Variants in PAPPA observed in about 807,000 individuals in gnomAD.
The protein encoded by PAPPA is pappalysin-1.
In PAPPA, 60 loss-of-function variants were observed where a neutral mutation model predicts 164.0. The observed-to-expected ratio is 0.37, with a 90% CI of 0.30 to 0.45. The LOEUF is 0.45. Among genes scored for constraint, PAPPA ranks in the 20% least tolerant of loss-of-function variants. The pLI, the probability that PAPPA is intolerant of heterozygous loss-of-function variation, is 1.00. For missense variants in PAPPA, 1,782 were observed against 2,087.3 expected (o/e 0.85, Z 2.85); for synonymous variants, 875 against 814.1 (o/e 1.07, Z -1.27).
At chr9:116,155,661 T>C (rs115242437) in intron 1 of PAPPA, among the ~76,000 whole-genome samples, 2,353 of 152,294 alleles carry the variant, frequency 0.015, 70 homozygotes, top group African/African-American at 0.054. Flanking sequence ...CACACTTTCT[T>C]AGAAGGGAAA....
At position 116,187,431 on chromosome 9, in the gene PAPPA, G is replaced by T; in HGVS notation, c.693G>T (p.Leu231=). 6.2e-7 allele frequency: 1 copy of T among 1,614,150 alleles called. No homozygotes were observed. The highest frequency in any genetic ancestry group is 1.1e-5 in the South Asian group (1 of 91,072). The change falls in exon 2 of 22, where the codon CTG becomes CTT. Residue 231 remains leucine (L), a synonymous_variant. Coordinates refer to ENST00000328252, the MANE Select transcript of PAPPA (RefSeq NM_002581.5). This position sits in a 1 kb window ranked among gnomAD's most constrained non-coding sequence, Gnocchi z 4.2. ...GEQVGGIFSP[L]TQKCKVLMLG... is the part of the protein sequence containing the mutation. ...AAGTGGGTGGCATATTCAGCCCACT[G>T]ACCCAGAAGTGCAAAGTGCTCATGT... is the stretch of plus-strand genomic sequence containing the variant.
intron 20 of PAPPA, among the ~76,000 whole-genome samples, chr9:116,378,132 A>C (rs16933470): frequency 0.12 from 18,580 of 152,230 alleles, 1,216 homozygotes; most frequent in African/African-American, 0.17. Context: ...CTCATGCCTC[A>C]ATCCCAGAAG....
At chr9:116,264,752 A>G (rs1049611853) in intron 7 of PAPPA, among the ~76,000 whole-genome samples, 5 of 152,206 alleles carry the variant, frequency 3.3e-5, no homozygotes, top group African/African-American at 1.2e-4. Flanking sequence ...TGTTGTTATT[A>G]AAAAATTATT....
At chr9:116,335,107 A>C (rs369157983) in intron 13 of PAPPA, 33 bp downstream of exon 13, 5 of 1,554,248 alleles carry the variant, frequency 3.2e-6, no homozygotes, top group Non-Finnish European at 3.5e-6. Context: ...GCCCTAGGCC[A>C]CTTGTAGCCG....
intron 4 of PAPPA, among the ~76,000 whole-genome samples, chr9:116,212,191 C>CT (rs1564185841): frequency 6.6e-6 from 1 of 152,110 alleles, no homozygotes; most frequent in Admixed American, 6.6e-5. Flanking sequence ...GTTGTTGAAC[C>CT]TTTTTTATTT....
At position 116,303,087 on chromosome 9, in the gene PAPPA, C is replaced by T. The variant is rs1845600050; in HGVS notation, c.3147+137C>T. Reference sequence around the variant, plus strand: ...ATCTTTATTAAATGTACTGTTAGGGCTTCATGAATACCATTTGTAAAAGAT... The same window carrying T: ...ATCTTTATTAAATGTACTGTTAGGGTTTCATGAATACCATTTGTAAAAGAT... On this transcript the variant is annotated intron_variant, in intron 10 of 21. Transcript: ENST00000328252. 3 of 623,842 alleles carry T rather than the reference C, an allele frequency of 4.8e-6. No homozygotes were observed. The East Asian group carries it at 8.5e-5, about 18-fold the overall frequency. The allele number at this position is 623,842 out of a possible 1,614,324, so 38.6% of individuals were successfully genotyped here.
chr9:116,242,090 A>G (rs1159548775), intron 7 of PAPPA, among the ~76,000 whole-genome samples: 1 of 152,144 alleles, frequency 6.6e-6, no homozygotes, highest in Non-Finnish European at 1.5e-5. Context: ...TACAGACATG[A>G]TCTCTGGCCT....
At chr9:116,319,310 G>A (rs997350094) in intron 10 of PAPPA, among the ~76,000 whole-genome samples, 4 of 152,210 alleles carry the variant, frequency 2.6e-5, no homozygotes, top group Non-Finnish European at 5.9e-5. Flanking sequence ...ACTAGCTGGA[G>A]GAGCTCAAGC....
intron 1 of PAPPA, among the ~76,000 whole-genome samples, chr9:116,180,642 AAT>A (rs1843893580): frequency 6.6e-6 from 1 of 152,110 alleles, no homozygotes; most frequent in Admixed American, 6.5e-5. Context: ...CAATAATACG[AAT>A]TGCATATAAA....
chr9:116,268,029 C>T (rs182279771), intron 8 of PAPPA, among the ~76,000 whole-genome samples: 39 of 151,712 alleles, frequency 2.6e-4, no homozygotes, highest in Admixed American at 4.6e-4. Flanking sequence ...TATATATTTC[C>T]GGATCATATG....
chr9:116,343,877 C>A (rs1438920260), intron 13 of PAPPA, among the ~76,000 whole-genome samples: 2 of 152,060 alleles, frequency 1.3e-5, no homozygotes, highest in African/African-American at 4.8e-5. Context: ...TCTCCTGCCT[C>A]AACCTCCTGA....
At chr9:116,386,073 G>C (rs1439067945) in intron 21 of PAPPA, among the ~76,000 whole-genome samples, 2 of 152,158 alleles carry the variant, frequency 1.3e-5, no homozygotes, top group Non-Finnish European at 2.9e-5. Flanking sequence ...GGGGGTAGAA[G>C]GGGAAAGGTC....
At chr9:116,327,370 G>T (rs905480768) in intron 10 of PAPPA, among the ~76,000 whole-genome samples, 2 of 152,148 alleles carry the variant, frequency 1.3e-5, no homozygotes, top group South Asian at 2.1e-4. Flanking sequence ...AGGGGGAAAA[G>T]GTTAAGATTG....
intron 12 of PAPPA, 79 bp from the exon 13 acceptor site, chr9:116,334,782 G>A (rs943544258): frequency 1.8e-5 from 19 of 1,058,370 alleles, no homozygotes; most frequent in African/African-American, 3.1e-5. Flanking sequence ...TGGGGGCTTC[G>A]GGAAGGGCCC....
intron 9 of PAPPA, among the ~76,000 whole-genome samples, chr9:116,276,422 A>G (rs976702974): frequency 1.3e-5 from 2 of 152,186 alleles, no homozygotes; most frequent in African/African-American, 2.4e-5. Context: ...ATTCTTCAGC[A>G]TAGTTGGGTC....
rs192348737 is a variant in PAPPA, at chr9:116,235,255, G to A, written c.2350G>A (p.Glu784Lys). The A allele has an allele frequency of 5.0e-5, 80 of 1,614,090 alleles. No individual in the cohort carries two copies. The highest frequency in any genetic ancestry group is 1.7e-4 in the Admixed American group (10 of 60,016). ...ACPEPQGCYL[E>K]LEFLYPLVPE... Reference sequence around the variant, plus strand: ...CCCTGAGCCTCAAGGCTGCTACCTCGAGCTGGAGTTCCTCTACCCCTTGGT... The same window carrying A: ...CCCTGAGCCTCAAGGCTGCTACCTCAAGCTGGAGTTCCTCTACCCCTTGGT... Residue 784 changes from glutamate (E) to lysine (K), a missense_variant, in exon 7 of 22, where the codon GAG becomes AAG. Coordinates refer to ENST00000328252, the MANE Select transcript of PAPPA (RefSeq NM_002581.5).
At position 116,397,911 on chromosome 9, in the gene PAPPA, T is replaced by A. The variant is rs1846987564; in HGVS notation, c.*1295T>A. 1.3e-5 allele frequency: 2 copies of A among 152,656 alleles called. No homozygotes were observed. Among genetic ancestry groups the A allele is most frequent in the South Asian group, 4.1e-4 (2 of 4,828 alleles). 9.5% of individuals were successfully genotyped at this position (152,656 alleles called of 1,614,324 possible). A position where few individuals can be genotyped will look rare whatever the true frequency, so the allele number is the denominator to read the frequency against. On this transcript the variant is annotated 3_prime_UTR_variant, in exon 22 of 22. Coordinates refer to ENST00000328252, the MANE Select transcript of PAPPA (RefSeq NM_002581.5). ...TGCTGTTGCTCTGAGGAGATATAAT[T>A]CTGGGAGAAAGAATCTTTTATAAGA... is the stretch of plus-strand genomic sequence containing the variant.
chr9:116,231,908 C>A (rs1423707224), intron 6 of PAPPA, among the ~76,000 whole-genome samples: 4 of 151,592 alleles, frequency 2.6e-5, no homozygotes, highest in African/African-American at 9.7e-5. Flanking sequence ...GTTACAGGCA[C>A]GTGCCACCAC....
At chr9:116,371,796 T>C (rs1177792228) in intron 19 of PAPPA, among the ~76,000 whole-genome samples, 1 of 152,140 alleles carries the variant, frequency 6.6e-6, no homozygotes, top group African/African-American at 2.4e-5. Context: ...TATTAGGATG[T>C]GGACCTGTCC....
Sources: allele counts gnomAD v4.1 joint callset (sites outside exome capture counted in the v4.1 genomes callset), GRCh38; gene constraint gnomAD v4.1.1; non-coding constraint Gnocchi (gnomAD v3.1); transcripts MANE v1.5; gene names NCBI Gene and HGNC (gene_info 2026-07-23, HGNC 2026-07-21).